CALD1: variants seen among roughly 807,000 people sequenced by gnomAD.
CALD1 encodes the protein caldesmon.
In CALD1, 33 loss-of-function variants were observed where a neutral mutation model predicts 99.9. The observed-to-expected ratio is 0.33, with a 90% CI of 0.25 to 0.44. The LOEUF (loss-of-function observed/expected upper bound fraction) is 0.44, where lower values mean the gene tolerates loss of function less well. CALD1 is among the 20% of genes least tolerant of loss of function. CALD1 has a pLI of 1.00. For missense variants in CALD1, 861 were observed against 962.1 expected (o/e 0.89, Z 1.39); for synonymous variants, 310 against 325.0 (o/e 0.95, Z 0.50).
intron 1 of CALD1, among the ~76,000 whole-genome samples, chr7:134,752,520 G>A (rs890807879): frequency 8.5e-5 from 13 of 152,122 alleles, no homozygotes; most frequent in Admixed American, 3.9e-4. Context: ...CCAGAAAATA[G>A]GCATTATGAG....
At chr7:134,823,275 A>G (rs1015368853) in intron 1 of CALD1, among the ~76,000 whole-genome samples, 1 of 152,244 alleles carries the variant, frequency 6.6e-6, no homozygotes, top group Non-Finnish European at 1.5e-5. Context: ...CCGTACCCAC[A>G]GGGCAGCAAA....
At chr7:134,848,621 C>T (rs1250152599) in intron 2 of CALD1, among the ~76,000 whole-genome samples, 1 of 152,108 alleles carries the variant, frequency 6.6e-6, no homozygotes, top group Admixed American at 6.5e-5. Context: ...AAACATACTG[C>T]ATTCATGTTG....
intron 9 of CALD1, among the ~76,000 whole-genome samples, 176 bp from the exon 10 acceptor site, chr7:134,957,893 A>G (rs1374732728): frequency 6.6e-6 from 1 of 151,452 alleles, no homozygotes; most frequent in East Asian, 1.9e-4. Flanking sequence ...AAATCTCACT[A>G]TCAAATACCT....
intron 1 of CALD1, among the ~76,000 whole-genome samples, chr7:134,760,638 T>C (rs1490799048): frequency 1.3e-5 from 2 of 152,140 alleles, no homozygotes; most frequent in African/African-American, 2.4e-5. Context: ...GGATGATATA[T>C]AAAACAGTGC....
chr7:134,754,886 G>A (rs1045596377), intron 1 of CALD1, among the ~76,000 whole-genome samples: 1 of 152,186 alleles, frequency 6.6e-6, no homozygotes, highest in Non-Finnish European at 1.5e-5. Context: ...TTAGACAATA[G>A]GGTAGATGAA....
Position 134,970,357 on chromosome 7 carries a change from T to A in CALD1, c.*2012T>A, listed in dbSNP as rs1232836756. The A allele has an allele frequency of 2.0e-5, 3 of 152,338 alleles. No individual in the cohort carries two copies. 9.4% of individuals were successfully genotyped at this position (152,338 alleles called of 1,614,324 possible). A position where few individuals can be genotyped will look rare whatever the true frequency, so the allele number is the denominator to read the frequency against. ...AATCTAAAGTTCAGAAGAGAATGTATCACTGCTGACTTTTATTCCAATATT... is the reference window on the plus strand; with the variant it reads ...AATCTAAAGTTCAGAAGAGAATGTAACACTGCTGACTTTTATTCCAATATT... On this transcript the variant is annotated 3_prime_UTR_variant, in exon 15 of 15. Transcript: ENST00000361675.
chr7:134,780,771 A>T (rs554175521), intron 1 of CALD1, among the ~76,000 whole-genome samples: 3 of 152,352 alleles, frequency 2.0e-5, no homozygotes, highest in South Asian at 2.1e-4. Context: ...TATTAACAGG[A>T]CTATGCAGAT....
chr7:134,898,554 C>CT (rs542732476), intron 3 of CALD1, among the ~76,000 whole-genome samples: 76 of 148,382 alleles, frequency 5.1e-4, no homozygotes, highest in Admixed American at 2.0e-3. Flanking sequence ...CCCTTAAATA[C>CT]TTTTTTTTTT....
intron 3 of CALD1, among the ~76,000 whole-genome samples, chr7:134,892,910 T>G (rs1802310467): frequency 6.7e-6 from 1 of 148,434 alleles, no homozygotes; most frequent in East Asian, 2.1e-4. Flanking sequence ...TCATCAAAAC[T>G]TCCTTGGAAT....
chr7:134,808,572 T>C (rs1293530305), intron 1 of CALD1, among the ~76,000 whole-genome samples: 2 of 152,208 alleles, frequency 1.3e-5, no homozygotes, highest in African/African-American at 4.8e-5. Context: ...CCTAGATCTA[T>C]GGCACGCCTC....
chr7:134,796,788 T>C (rs756280773), intron 1 of CALD1, among the ~76,000 whole-genome samples: 5 of 152,166 alleles, frequency 3.3e-5, no homozygotes, highest in Non-Finnish European at 7.3e-5. Flanking sequence ...GGTCTCCCTG[T>C]GTTGCCCAGG....
chr7:134,796,888 T>A (rs1297516042), intron 1 of CALD1, among the ~76,000 whole-genome samples: 1 of 152,120 alleles, frequency 6.6e-6, no homozygotes, highest in Admixed American at 6.5e-5. Context: ...ACTGGCCCCA[T>A]CCTCATCTTT....
intron 3 of CALD1, among the ~76,000 whole-genome samples, chr7:134,923,708 G>A (rs535574737): frequency 6.6e-6 from 1 of 152,186 alleles, no homozygotes; most frequent in Non-Finnish European, 1.5e-5. Flanking sequence ...GCTATCGTTT[G>A]ATATAATAAG....
At chr7:134,820,631 T>C (rs1798738285) in intron 1 of CALD1, among the ~76,000 whole-genome samples, 1 of 152,236 alleles carries the variant, frequency 6.6e-6, no homozygotes, top group Non-Finnish European at 1.5e-5. Context: ...TCTGAAGGAC[T>C]ACCTTGCACC....
intron 4 of CALD1, among the ~76,000 whole-genome samples, chr7:134,932,127 C>T (rs1158268796): frequency 1.3e-5 from 2 of 152,156 alleles, no homozygotes; most frequent in Non-Finnish European, 2.9e-5. Flanking sequence ...CTTCTGTTTA[C>T]ATTTCATTGG....
chr7:134,888,597 G>A (rs753656345), intron 3 of CALD1, among the ~76,000 whole-genome samples: 5 of 152,134 alleles, frequency 3.3e-5, no homozygotes, highest in Non-Finnish European at 5.9e-5. Flanking sequence ...ATCTCTATGC[G>A]TCTTCCCGCG....
At chr7:134,781,624 T>A (rs1331369158) in intron 1 of CALD1, among the ~76,000 whole-genome samples, 2 of 152,124 alleles carry the variant, frequency 1.3e-5, no homozygotes, top group Admixed American at 1.3e-4. Context: ...GTAACTTTCA[T>A]TTCAGAAATA....
chr7:134,743,390 T>C (rs534650645), upstream of CALD1, among the ~76,000 whole-genome samples: 26 of 152,330 alleles, frequency 1.7e-4, no homozygotes, highest in Non-Finnish European at 2.6e-4. Flanking sequence ...ATGCTTTATA[T>C]TTCTAAAATC....
chr7:134,941,586 A>G (rs564264209), intron 7 of CALD1, among the ~76,000 whole-genome samples: 2 of 151,864 alleles, frequency 1.3e-5, no homozygotes, highest in African/African-American at 2.4e-5. Flanking sequence ...ATGATTCTCT[A>G]TATGGTCTGA....
Sources: allele counts gnomAD v4.1 joint callset (sites outside exome capture counted in the v4.1 genomes callset), GRCh38; gene constraint gnomAD v4.1.1; transcripts MANE v1.5; gene names NCBI Gene and HGNC (gene_info 2026-07-23, HGNC 2026-07-21).